GABBR1: variants seen among roughly 807,000 people sequenced by gnomAD.
The protein encoded by GABBR1 is GABA-B receptor, R1 subunit.
A neutral mutation model predicts 117.7 loss-of-function variants in GABBR1; 35 were observed. The ratio of observed to expected loss-of-function variants is 0.30; its 90% CI spans 0.23 to 0.39. The LOEUF (loss-of-function observed/expected upper bound fraction) is 0.39, where lower values mean the gene tolerates loss of function less well. Among genes scored for constraint, GABBR1 ranks in the 10% least tolerant of loss-of-function variants. The probability of loss-of-function intolerance (pLI) is 1.00; values close to 1 mark genes in which losing one functional copy is unlikely to be tolerated. For synonymous variants in GABBR1, 442 were observed against 486.6 expected (o/e 0.91, Z 1.21); for missense variants, 709 against 1,241.8 (o/e 0.57, Z 6.45).
In GABBR1 at chr6:29,604,401, C is replaced by T. The variant is rs996224630; in HGVS notation, c.2712+93G>A. ...CCCTCCATGAGCCAAGAACATCTGACCCTGTATCTCAGGCTTGGCTTCAGA... is the reference window on the plus strand; with the variant it reads ...CCCTCCATGAGCCAAGAACATCTGATCCTGTATCTCAGGCTTGGCTTCAGA... On this transcript the variant is annotated intron_variant, in intron 22 of 22. Coordinates refer to ENST00000377034, the MANE Select transcript of GABBR1 (RefSeq NM_001470.4). This position sits in a 1 kb window ranked among gnomAD's most constrained non-coding sequence, Gnocchi z 5.3. The T allele has an allele frequency of 4.7e-6, 7 of 1,503,292 alleles. No individual in the cohort carries two copies. Among genetic ancestry groups the T allele is most frequent in the Non-Finnish European group, 5.5e-6 (6 of 1,084,678 alleles). The allele number at this position is 1,503,292 out of a possible 1,614,324, so 93.1% of individuals were successfully genotyped here. A position where few individuals can be genotyped will look rare whatever the true frequency, so the allele number is the denominator to read the frequency against.
intron 14 of GABBR1, among the ~76,000 whole-genome samples, chr6:29,610,068 TA>T (rs28383948): frequency 0.071 from 8,890 of 125,134 alleles, 343 homozygotes; most frequent in South Asian, 0.15. Context: ...ATTCGAATTG[TA>T]AAAAAAAAAA....
In GABBR1 at chr6:29,632,684, A is replaced by G; in HGVS notation, c.-1+166T>C. ...CGGCTCGCAGAAGCCTGGCTTACCC[A>G]CGCTCCCGGCATCGGCCGCCTCAGC... is the stretch of plus-strand genomic sequence containing the variant. On this transcript the variant is annotated intron_variant, in intron 1 of 22. Transcript: ENST00000377034. The surrounding 1 kb of genome is among the most constrained non-coding windows in gnomAD (Gnocchi z 5.8). 1 of 1,350,408 alleles carries G rather than the reference A, an allele frequency of 7.4e-7. No homozygotes were observed. The highest frequency in any genetic ancestry group is 1.9e-5 in the African/African-American group (1 of 51,572). 83.7% of individuals were successfully genotyped at this position (1,350,408 alleles called of 1,614,324 possible). A position where few individuals can be genotyped will look rare whatever the true frequency, so the allele number is the denominator to read the frequency against.
Position 29,609,230 on chromosome 6 carries a change from G to A in GABBR1, c.1858C>T (p.Arg620Cys), listed in dbSNP as rs775781371. 5 of 1,612,836 alleles carry A rather than the reference G, an allele frequency of 3.1e-6. No homozygotes were observed. The highest frequency in any genetic ancestry group is 1.1e-5 in the South Asian group (1 of 91,060). ...LSFNIYNSHV[R>C]YIQNSQPNLN... is the part of the protein sequence containing the mutation. ...GAAAACGTCAGAAGAGAAACTTACC[G>A]GACATGTGAGTTGTAGATGTTAAAG... is the stretch of plus-strand genomic sequence containing the variant. Residue 620 changes from arginine to cysteine, a missense_variant and splice_region_variant, in exon 15 of 23, where the codon CGT (arginine) becomes TGT (cysteine). Around this residue, in one of 9 missense-constraint regions of GABBR1, gnomAD observed 251 missense variants for 445.3 expected, o/e 0.56. Coordinates refer to ENST00000377034, the MANE Select transcript of GABBR1 (RefSeq NM_001470.4). This position sits in a 1 kb window ranked among gnomAD's most constrained non-coding sequence, Gnocchi z 4.3.
Position 29,611,089 on chromosome 6 carries a change from G to A in GABBR1, c.1631-88C>T. ...CAACTTCCCACTTCCCTAGAGCTTT[G>A]CATGGTTGTATCTGATTTTATTTTC... On this transcript the variant is annotated intron_variant, in intron 13 of 22. Coordinates refer to ENST00000377034, the MANE Select transcript of GABBR1 (RefSeq NM_001470.4). The surrounding 1 kb of genome is among the most constrained non-coding windows in gnomAD (Gnocchi z 4.6). 9.7e-7 allele frequency: 1 copy of A among 1,030,466 alleles called. No homozygotes were observed. Among genetic ancestry groups the A allele is most frequent in the Non-Finnish European group, 1.5e-6 (1 of 661,970 alleles). The allele number at this position is 1,030,466 out of a possible 1,614,324, so 63.8% of individuals were successfully genotyped here.
chr6:29,615,794 C>T (rs986966490), intron 11 of GABBR1, among the ~76,000 whole-genome samples: 2 of 152,066 alleles, frequency 1.3e-5, no homozygotes, highest in Non-Finnish European at 2.9e-5. Flanking sequence ...TTGGCCTGGG[C>T]ACGGAGGCTC....
intron 11 of GABBR1, among the ~76,000 whole-genome samples, chr6:29,618,559 A>T (rs1201129422): frequency 2.0e-5 from 3 of 152,166 alleles, no homozygotes; most frequent in Admixed American, 1.3e-4. Context: ...GTGGGCTAAA[A>T]TGTATATCTT....
At position 29,627,449 on chromosome 6, in the gene GABBR1, G is replaced by GCCCCCCCCCCCC; in HGVS notation, c.657+36_657+37insGGGGGGGGGGGG. ...AGCTGGCTGGCCCCCTGCCCCGCAA[G>GCCCCCCCCCCCC]CCCCCACCTCCCACCCACCCCCATG... is the stretch of plus-strand genomic sequence containing the variant. On this transcript the variant is annotated intron_variant, in intron 6 of 22. Transcript: ENST00000377034. The surrounding 1 kb of genome is among the most constrained non-coding windows in gnomAD (Gnocchi z 4.4). 5.8e-6 allele frequency: 7 copies of GCCCCCCCCCCCC among 1,204,816 alleles called. No homozygotes were observed. Among genetic ancestry groups the GCCCCCCCCCCCC allele is most frequent in the South Asian group, 2.7e-5 (2 of 73,898 alleles). 74.6% of individuals were successfully genotyped at this position (1,204,816 alleles called of 1,614,324 possible).
chr6:29,631,748 T>G lies in GABBR1; in HGVS notation c.86-149A>C. 2 of 672,704 alleles carry G rather than the reference T, an allele frequency of 3.0e-6. No homozygotes were observed. The highest frequency in any genetic ancestry group is 5.4e-5 in the East Asian group (2 of 37,122). 41.7% of individuals were successfully genotyped at this position (672,704 alleles called of 1,614,324 possible). A position where few individuals can be genotyped will look rare whatever the true frequency, so the allele number is the denominator to read the frequency against. On this transcript the variant is annotated intron_variant, in intron 2 of 22. Coordinates refer to ENST00000377034, the MANE Select transcript of GABBR1 (RefSeq NM_001470.4). The surrounding 1 kb of genome is among the most constrained non-coding windows in gnomAD (Gnocchi z 5.9). ...GGGATGGGGCACTAGAGGGTGGGAG[T>G]GGGGACAGGTACAGATCCCCTGGCT...
Position 29,623,594 on chromosome 6 carries a change from C to T in GABBR1, c.793-119G>A, listed in dbSNP as rs1763976935. The T allele has an allele frequency of 1.0e-6, 1 of 978,818 alleles. No individual in the cohort carries two copies. 60.6% of individuals were successfully genotyped at this position (978,818 alleles called of 1,614,324 possible). The stretch of plus-strand genomic sequence containing the variant: ...TTTCTCTTCCTTACTCTCTCCAAAC[C>T]TCCCCACCTCTGGTCTGCCTAAGGA... On this transcript the variant is annotated intron_variant, in intron 7 of 22. Coordinates refer to ENST00000377034, the MANE Select transcript of GABBR1 (RefSeq NM_001470.4). The surrounding 1 kb of genome is among the most constrained non-coding windows in gnomAD (Gnocchi z 6.2).
At position 29,622,262 on chromosome 6, in the gene GABBR1, A is replaced by C; in HGVS notation, c.964-57T>G. 28 of 1,149,364 alleles carry C rather than the reference A, an allele frequency of 2.4e-5. No individual in the cohort carries two copies. The highest frequency in any genetic ancestry group is 3.7e-5 in the Non-Finnish European group (28 of 762,756). The allele number at this position is 1,149,364 out of a possible 1,614,324, so 71.2% of individuals were successfully genotyped here. On this transcript the variant is annotated intron_variant, in intron 8 of 22. Transcript: ENST00000377034. The surrounding 1 kb of genome is among the most constrained non-coding windows in gnomAD (Gnocchi z 4.6). ...ACACGGGGTGCATGAGGGAATAAAG[A>C]CCAGAGAGGTTAACTGGGGATTTCA...
chr6:29,622,062 GGT>G lies in GABBR1; in HGVS notation c.1065+40_1065+41del. Reference sequence around the variant, plus strand: ...CCAACCAGTCACTGTCCCCCAGCTTGGTCCCTCCGTAAACAGAGCCCACCACT... The same window carrying G: ...CCAACCAGTCACTGTCCCCCAGCTTGCCCTCCGTAAACAGAGCCCACCACT... On this transcript the variant is annotated intron_variant, in intron 9 of 22. Transcript: ENST00000377034. This position sits in a 1 kb window ranked among gnomAD's most constrained non-coding sequence, Gnocchi z 4.6. The G allele has an allele frequency of 6.5e-7, 1 of 1,530,310 alleles. No homozygotes were observed. Among genetic ancestry groups the G allele is most frequent in the Non-Finnish European group, 9.1e-7 (1 of 1,104,750 alleles). 94.8% of individuals were successfully genotyped at this position (1,530,310 alleles called of 1,614,324 possible).
intron 11 of GABBR1, among the ~76,000 whole-genome samples, chr6:29,616,845 T>TAAAAA (rs1763165779): frequency 2.7e-5 from 2 of 74,482 alleles, no homozygotes; most frequent in Admixed American, 1.6e-4. Context: ...ATACTCTACC[T>TAAAAA]CAAAAAAAAA....
At position 29,611,323 on chromosome 6, in the gene GABBR1, T is replaced by C. The variant is rs1762518573; in HGVS notation, c.1631-322A>G. ...GGCGAGATGTCTCTCACTTTGATTTTGGCTTCTAAAGCTTTACACATATTT... is the reference window on the plus strand; with the variant it reads ...GGCGAGATGTCTCTCACTTTGATTTCGGCTTCTAAAGCTTTACACATATTT... On this transcript the variant is annotated intron_variant, in intron 13 of 22. Transcript: ENST00000377034. The surrounding 1 kb of genome is among the most constrained non-coding windows in gnomAD (Gnocchi z 4.6). Among the ~76,000 whole-genome samples, 1 of 152,264 alleles carries C rather than the reference T, an allele frequency of 6.6e-6. No individual in the cohort carries two copies. The highest frequency in any genetic ancestry group is 1.5e-5 in the Non-Finnish European group (1 of 68,042).
intron 11 of GABBR1, among the ~76,000 whole-genome samples, chr6:29,614,403 T>C (rs1033687402): frequency 6.6e-6 from 1 of 152,234 alleles, no homozygotes; most frequent in Non-Finnish European, 1.5e-5. Context: ...GTTTGGAATG[T>C]TTTAACACAA....
At position 29,613,191 on chromosome 6, in the gene GABBR1, G is replaced by C. The variant is rs1334917220; in HGVS notation, c.1566+52C>G. On this transcript the variant is annotated intron_variant, in intron 12 of 22. Transcript: ENST00000377034. This position sits in a 1 kb window ranked among gnomAD's most constrained non-coding sequence, Gnocchi z 4.1. Reference sequence around the variant, plus strand: ...TGTTTGTAGAAGGTGCCTCTTGGGAGTCTCTCTCAAGATTGGGAAGACAGG... The same window carrying C: ...TGTTTGTAGAAGGTGCCTCTTGGGACTCTCTCTCAAGATTGGGAAGACAGG... 6.3e-7 allele frequency: 1 copy of C among 1,585,360 alleles called. No homozygotes were observed. Among genetic ancestry groups the C allele is most frequent in the African/African-American group, 1.3e-5 (1 of 74,214 alleles).
chr6:29,623,496 G>C lies in GABBR1; in HGVS notation c.793-21C>G, dbSNP rs1239943353. The C allele has an allele frequency of 1.2e-6, 2 of 1,610,966 alleles. No homozygotes were observed. The highest frequency in any genetic ancestry group is 1.7e-5 in the Admixed American group (1 of 59,926). Reference sequence around the variant, plus strand: ...GAAAGCTGTGGGGCAGGGAGAGTGAGTGCAACAGGGTCTGTTCACTGAGGA... The same window carrying C: ...GAAAGCTGTGGGGCAGGGAGAGTGACTGCAACAGGGTCTGTTCACTGAGGA... On this transcript the variant is annotated intron_variant, in intron 7 of 22. Coordinates refer to ENST00000377034, the MANE Select transcript of GABBR1 (RefSeq NM_001470.4). This position sits in a 1 kb window ranked among gnomAD's most constrained non-coding sequence, Gnocchi z 6.2.
chr6:29,608,729 T>A lies in GABBR1; in HGVS notation c.1864A>T (p.Ile622Phe), dbSNP rs1762218805. ...TTCAGGTTGGGCTGTGAGTTCTGGA[T>A]ATAACTAGGGCAGAGGTGGAGAGGG... The part of the protein sequence containing the change: ...FNIYNSHVRY[I>F]QNSQPNLNNL... The change falls in exon 16 of 23, where the codon ATC becomes TTC. Residue 622 changes from isoleucine to phenylalanine, a missense_variant. This residue lies in a region of GABBR1 where 251 missense variants were observed against 445.3 expected (regional missense o/e 0.56). Coordinates refer to ENST00000377034, the MANE Select transcript of GABBR1 (RefSeq NM_001470.4). 6.2e-7 allele frequency: 1 copy of A among 1,612,852 alleles called. No homozygotes were observed. Among genetic ancestry groups the A allele is most frequent in the Admixed American group, 1.7e-5 (1 of 60,004 alleles).
intron 22 of GABBR1, 40 bp from the exon 23 acceptor site, chr6:29,603,756 A>G (rs764715513): frequency 1.4e-6 from 2 of 1,391,676 alleles, no homozygotes; most frequent in East Asian, 5.0e-5. Flanking sequence ...GGAGAAGAGG[A>G]GGTGATGAAG....
rs553779380 is a variant in GABBR1, at chr6:29,607,328, C to T, written c.1993-110G>A. ...GTGGGCAGGGAGCACGGGCAGGGAG[C>T]TCATGGTGGCACAGGGAGGATGCGA... is the stretch of plus-strand genomic sequence containing the variant. On this transcript the variant is annotated intron_variant, in intron 16 of 22. Coordinates refer to ENST00000377034, the MANE Select transcript of GABBR1 (RefSeq NM_001470.4). The surrounding 1 kb of genome is among the most constrained non-coding windows in gnomAD (Gnocchi z 5.0). 3.2e-4 allele frequency: 267 copies of T among 827,930 alleles called. 2 individuals are homozygous for T. The highest frequency in any genetic ancestry group is 1.0e-3 in the Middle Eastern group (3 of 2,956). 51.3% of individuals were successfully genotyped at this position (827,930 alleles called of 1,614,324 possible).
Sources: gnomAD v4.1 joint callset for allele counts (sites outside exome capture counted in the v4.1 genomes callset) on GRCh38, gnomAD v4.1.1 for gene constraint, gnomAD v4.1.1 regional missense constraint, Gnocchi (gnomAD v3.1) non-coding constraint, MANE v1.5 for transcripts, NCBI Gene and HGNC (gene_info 2026-07-23, HGNC 2026-07-21) for gene names.